The following NPR3 variants were observed in gnomAD, a reference collection of about 807,000 sequenced individuals.
The protein encoded by NPR3 is natriuretic peptide receptor 3.
In NPR3, 34 loss-of-function variants were observed where a neutral mutation model predicts 54.5. The ratio of observed to expected loss-of-function variants is 0.62; its 90% CI spans 0.47 to 0.83. The LOEUF (loss-of-function observed/expected upper bound fraction) is 0.83, where lower values mean the gene tolerates loss of function less well. Ranked by LOEUF, NPR3 falls within the 40% of genes least tolerant of loss-of-function variation. The probability of loss-of-function intolerance (pLI) is 0.00; values close to 1 mark genes in which losing one functional copy is unlikely to be tolerated. For synonymous variants in NPR3, 289 were observed against 297.1 expected (o/e 0.97, Z 0.28); for missense variants, 674 against 720.8 (o/e 0.94, Z 0.74).
At chr5:32,772,298 C>G (rs990770564) in intron 3 of NPR3, among the ~76,000 whole-genome samples, 1 of 152,184 alleles carries the variant, frequency 6.6e-6, no homozygotes, top group Non-Finnish European at 1.5e-5. Context: ...CAGAAGAGCT[C>G]TCTGAAGTGA....
intron 1 of NPR3, among the ~76,000 whole-genome samples, chr5:32,698,591 T>C (rs1322865930): frequency 6.6e-6 from 1 of 152,152 alleles, no homozygotes; most frequent in Non-Finnish European, 1.5e-5. Context: ...TCTCCACCTA[T>C]TATTGTATTG....
At chr5:32,745,347 C>G (rs1414873468) in intron 3 of NPR3, among the ~76,000 whole-genome samples, 1 of 152,160 alleles carries the variant, frequency 6.6e-6, no homozygotes, top group Non-Finnish European at 1.5e-5. Flanking sequence ...TGCCAAGTAC[C>G]CGCCTGGCCT....
At chr5:32,695,501 C>G (rs1483446595) in intron 1 of NPR3, among the ~76,000 whole-genome samples, 2 of 152,178 alleles carry the variant, frequency 1.3e-5, no homozygotes, top group Non-Finnish European at 2.9e-5. Context: ...ATCTCCTGAC[C>G]TCGTGATCTG....
intron 2 of NPR3, among the ~76,000 whole-genome samples, chr5:32,733,890 T>A (rs972739193): frequency 7.9e-5 from 12 of 152,178 alleles, no homozygotes; most frequent in African/African-American, 2.9e-4. Flanking sequence ...GAATGTAGGT[T>A]AGGTGGGGTG....
intron 3 of NPR3, among the ~76,000 whole-genome samples, chr5:32,741,750 T>C (rs1185357376): frequency 2.6e-5 from 4 of 151,378 alleles, no homozygotes; most frequent in Non-Finnish European, 5.9e-5. Context: ...TGTATGTATG[T>C]AGGTTTTAGT....
At position 32,775,501 on chromosome 5, in the gene NPR3, G is replaced by T. The variant is rs1056800689; in HGVS notation, c.1195+658G>T. On this transcript the variant is annotated intron_variant, in intron 4 of 7. Coordinates refer to ENST00000265074, the MANE Select transcript of NPR3 (RefSeq NM_001204375.2). ...AGTAGAGACGGGGTTTTACCATGTT[G>T]GCCAGGTTGATCTCTAACTCTTGAC... Among the ~76,000 whole-genome samples, 9 of 152,202 alleles carry T rather than the reference G, an allele frequency of 5.9e-5. No homozygotes were observed. The South Asian group carries it at 1.9e-3, about 32-fold the overall frequency.
Position 32,711,658 on chromosome 5 carries a change from T to TA in NPR3, c.-116dup. On this transcript the variant is annotated 5_prime_UTR_variant, in exon 1 of 8. Transcript: ENST00000265074. ...TAGTGAAGGGGGTATTCTATTTTGT[T>TA]AAAGCGCCCAAGGGGGCGCAGGGAC... 3.1e-6 allele frequency: 4 copies of TA among 1,286,702 alleles called. No individual in the cohort carries two copies. The highest frequency in any genetic ancestry group is 7.9e-5 in the Admixed American group (2 of 25,198). The allele number at this position is 1,286,702 out of a possible 1,614,324, so 79.7% of individuals were successfully genotyped here. A position where few individuals can be genotyped will look rare whatever the true frequency, so the allele number is the denominator to read the frequency against.
At position 32,780,930 on chromosome 5, in the gene NPR3, G is replaced by A; in HGVS notation, c.1290+114G>A. On this transcript the variant is annotated intron_variant, in intron 5 of 7. Coordinates refer to ENST00000265074, the MANE Select transcript of NPR3 (RefSeq NM_001204375.2). ...TCCAATGCAGCTTCCAAATAAAAATGAGTTGAAAAACCTCAACTTTTGATT... is the reference window on the plus strand; with the variant it reads ...TCCAATGCAGCTTCCAAATAAAAATAAGTTGAAAAACCTCAACTTTTGATT... The A allele has an allele frequency of 6.4e-6, 4 of 623,010 alleles. 1 individual carries two copies. Among genetic ancestry groups the A allele is most frequent in the South Asian group, 3.9e-5 (2 of 50,776 alleles). 38.6% of individuals were successfully genotyped at this position (623,010 alleles called of 1,614,324 possible).
At chr5:32,711,161 A>G (rs1738198971), upstream of NPR3, among the ~76,000 whole-genome samples, 1 of 151,960 alleles carries the variant, frequency 6.6e-6, no homozygotes, top group South Asian at 2.1e-4. Flanking sequence ...GCCCTGATGT[A>G]AGAATGTTAA....
chr5:32,712,105 A>T lies in NPR3; in HGVS notation c.329A>T (p.Asn110Ile). Residue 110 changes from asparagine (N) to isoleucine (I), a missense_variant, in exon 1 of 8, where the codon AAC becomes ATC. Physicochemically the swap from Asn to Ile is moderately radical, Grantham distance 149 (BLOSUM62 -3). Coordinates refer to ENST00000265074, the MANE Select transcript of NPR3 (RefSeq NM_001204375.2). ...QVAYEDSDCG[N>I]RALFSLVDRV... Reference sequence around the variant, plus strand: ...GCTTACGAGGATTCAGACTGTGGGAACCGTGCGCTCTTCAGCTTGGTGGAC... The same window carrying T: ...GCTTACGAGGATTCAGACTGTGGGATCCGTGCGCTCTTCAGCTTGGTGGAC... 6.2e-7 allele frequency: 1 copy of T among 1,613,664 alleles called. No individual in the cohort carries two copies. The highest frequency in any genetic ancestry group is 8.5e-7 in the Non-Finnish European group (1 of 1,179,782).
upstream of NPR3, among the ~76,000 whole-genome samples, chr5:32,705,666 C>T (rs954654040): frequency 9.2e-5 from 14 of 152,070 alleles, no homozygotes; most frequent in Admixed American, 8.5e-4. Flanking sequence ...AAACTGCCCC[C>T]GTGACCCAAT....
intron 1 of NPR3, among the ~76,000 whole-genome samples, chr5:32,701,904 C>A (rs1737811935): frequency 1.3e-5 from 2 of 152,182 alleles, no homozygotes; most frequent in African/African-American, 4.8e-5. Flanking sequence ...TGCTGAGCTG[C>A]CTGAAGCCAG....
chr5:32,774,982 T>A, intron 4 of NPR3, 139 bp downstream of exon 4: 1 of 684,284 alleles, frequency 1.5e-6, no homozygotes, highest in Middle Eastern at 2.7e-4. Flanking sequence ...TCTCATAGGC[T>A]TGTTGTACCA....
intron 1 of NPR3, among the ~76,000 whole-genome samples, chr5:32,716,144 A>G (rs1291357503): frequency 2.6e-5 from 4 of 152,234 alleles, no homozygotes; most frequent in Non-Finnish European, 4.4e-5. Flanking sequence ...TGCAAACAAT[A>G]TCCATTGCTA....
At chr5:32,780,288 C>T (rs1742269386) in intron 4 of NPR3, among the ~76,000 whole-genome samples, 1 of 152,206 alleles carries the variant, frequency 6.6e-6, no homozygotes, top group Admixed American at 6.5e-5. Flanking sequence ...AGCACATTCA[C>T]TGAGTCCTGG....
At chr5:32,703,850 G>A (rs1472955574) in intron 1 of NPR3, among the ~76,000 whole-genome samples, 2 of 152,332 alleles carry the variant, frequency 1.3e-5, no homozygotes, top group African/African-American at 4.8e-5. Context: ...CACTGCCTTG[G>A]CCATCCTGGC....
In NPR3 at chr5:32,739,191, T is replaced by TA. The variant is rs112157698; in HGVS notation, c.1059+161_1059+162insA. On this transcript the variant is annotated intron_variant, in intron 3 of 7. Coordinates refer to ENST00000265074, the MANE Select transcript of NPR3 (RefSeq NM_001204375.2). ...TGTGTGTGTGTGTGTGTGTTTTTTTTTTTTCCTTTCTGGGTGGTTTTCCTC... is the reference window on the plus strand; with the variant it reads ...TGTGTGTGTGTGTGTGTGTTTTTTTTATTTTCCTTTCTGGGTGGTTTTCCTC... Among the ~76,000 whole-genome samples, 5,972 of 151,634 alleles carry TA rather than the reference T, an allele frequency of 0.039. 158 individuals are homozygous for TA. The highest frequency in any genetic ancestry group is 0.077 in the African/African-American group (3,166 of 41,256).
chr5:32,766,884 C>T (rs781488533), intron 3 of NPR3, among the ~76,000 whole-genome samples: 2 of 152,220 alleles, frequency 1.3e-5, no homozygotes, highest in African/African-American at 4.8e-5. Context: ...ATTCACTTGA[C>T]CTGAGTCAAG....
At chr5:32,710,882 G>T (rs528518786), upstream of NPR3, 259 of 1,043,572 alleles carry the variant, frequency 2.5e-4, no homozygotes, top group East Asian at 7.2e-3. Flanking sequence ...TTTGCACGGT[G>T]TGTGTGTGTA....
Sources: allele counts gnomAD v4.1 joint callset (sites outside exome capture counted in the v4.1 genomes callset), GRCh38; gene constraint gnomAD v4.1.1; transcripts MANE v1.5; gene names NCBI Gene and HGNC (gene_info 2026-07-23, HGNC 2026-07-21).